The following TMEM63C variants were observed in gnomAD, a reference collection of about 807,000 sequenced individuals.
TMEM63C encodes the protein transmembrane protein 63C, also known as osmosensitive cation channel TMEM63C.
A neutral mutation model predicts 99.2 loss-of-function variants in TMEM63C; 32 were observed. That is an observed-to-expected ratio of 0.32 (90% CI 0.24 to 0.43). The LOEUF is 0.43. Ranked by LOEUF, TMEM63C falls within the 20% of genes least tolerant of loss-of-function variation. TMEM63C has a pLI of 1.00. For synonymous variants in TMEM63C, 376 were observed against 397.9 expected (o/e 0.94, Z 0.66); for missense variants, 826 against 1,053.0 (o/e 0.78, Z 2.98).
Position 77,243,046 on chromosome 14 carries a change from A to G in TMEM63C, c.1331A>G (p.Glu444Gly). The part of the protein sequence containing the change: ...IDMYNVTRPI[E>G]KLQNPIVTQF... The stretch of plus-strand genomic sequence containing the variant: ...ATGTACAACGTCACCCGCCCCATCG[A>G]GAAGCTGCAGGTGCCTCCTCTGCTC... Residue 444 changes from glutamate (E) to glycine (G), a missense_variant, in exon 15 of 24, where the codon GAG (glutamate) becomes GGG (glycine). Glu to Gly is a moderately conservative substitution (Grantham distance 98). Coordinates refer to ENST00000298351, the MANE Select transcript of TMEM63C (RefSeq NM_020431.4). 1 of 1,613,664 alleles carries G rather than the reference A, an allele frequency of 6.2e-7. No individual in the cohort carries two copies. Among genetic ancestry groups the G allele is most frequent in the Non-Finnish European group, 8.5e-7 (1 of 1,179,836 alleles).
At chr14:77,201,501 C>G (rs1340729566) in intron 1 of TMEM63C, among the ~76,000 whole-genome samples, 2 of 152,164 alleles carry the variant, frequency 1.3e-5, no homozygotes, top group Admixed American at 6.5e-5. Flanking sequence ...GAAAGAGGAG[C>G]CTCCCTCTCC....
Position 77,256,620 on chromosome 14 carries a change from C to A in TMEM63C, c.2315C>A (p.Pro772Gln). The part of the protein sequence containing the change: ...RHTYGTMNNQ[P>Q]EEGEEESGLR... ...ACCTATGGCACCATGAACAACCAGC[C>A]GGAAGAGGGAGAAGAAGAGAGTGGT... is the stretch of plus-strand genomic sequence containing the variant. Residue 772 changes from proline to glutamine, a missense_variant, in exon 24 of 24, where the codon CCG becomes CAG. Coordinates refer to ENST00000298351, the MANE Select transcript of TMEM63C (RefSeq NM_020431.4). 3 of 1,613,970 alleles carry A rather than the reference C, an allele frequency of 1.9e-6. No individual in the cohort carries two copies. Among genetic ancestry groups the A allele is most frequent in the Non-Finnish European group, 2.5e-6 (3 of 1,179,860 alleles).
intron 6 of TMEM63C, among the ~76,000 whole-genome samples, chr14:77,226,242 C>T (rs1361368308): frequency 1.3e-5 from 2 of 152,318 alleles, no homozygotes; most frequent in East Asian, 3.9e-4. Context: ...AACCCCTCCA[C>T]CCCACCCCTA....
In TMEM63C at chr14:77,257,632, G is replaced by A. The variant is rs1348837050; in HGVS notation, c.*906G>A. 2 of 152,264 alleles carry A rather than the reference G, an allele frequency of 1.3e-5. No individual in the cohort carries two copies. Among genetic ancestry groups the A allele is most frequent in the Admixed American group, 1.3e-4 (2 of 15,286 alleles). The allele number at this position is 152,264 out of a possible 1,614,324, so 9.4% of individuals were successfully genotyped here. On this transcript the variant is annotated 3_prime_UTR_variant, in exon 24 of 24. Coordinates refer to ENST00000298351, the MANE Select transcript of TMEM63C (RefSeq NM_020431.4). ...AGGGCCTAAAGAGAAGACCCCCGAA[G>A]CCAAAGATGTGGCCACTTAAAAGCG...
intron 1 of TMEM63C, among the ~76,000 whole-genome samples, chr14:77,189,956 G>A (rs1888075267): frequency 6.6e-6 from 1 of 152,130 alleles, no homozygotes; most frequent in Non-Finnish European, 1.5e-5. Flanking sequence ...TCTGAGTTGT[G>A]TACATAGTAA....
chr14:77,221,629 A>C (rs1352521102), intron 5 of TMEM63C, among the ~76,000 whole-genome samples: 14 of 22,186 alleles, frequency 6.3e-4, no homozygotes, highest in Admixed American at 1.9e-3. Context: ...TCCCACTCTC[A>C]CCTCCCCTCC....
intron 1 of TMEM63C, among the ~76,000 whole-genome samples, chr14:77,201,648 GC>G (rs1460041635): frequency 1.3e-5 from 2 of 152,212 alleles, no homozygotes; most frequent in Non-Finnish European, 2.9e-5. Flanking sequence ...CTGGGGCAGG[GC>G]CCAGCGATCT....
Position 77,256,652 on chromosome 14 carries a change from G to A in TMEM63C, c.2347G>A (p.Gly783Ser), listed in dbSNP as rs1566633693. 1 of 1,614,010 alleles carries A rather than the reference G, an allele frequency of 6.2e-7. No individual in the cohort carries two copies. ...GGGAGAAGAAGAGAGTGGTCTGAGG[G>A]GCTTTGCGAGGGAGCTAGACTCGGC... Reference protein sequence around the residue: ...EEGEEESGLRGFARELDSAQF... With the variant: ...EEGEEESGLRSFARELDSAQF... The change falls in exon 24 of 24, where the codon GGC becomes AGC. Residue 783 changes from glycine (G) to serine (S), a missense_variant. By Grantham distance (56) the Gly-to-Ser change is moderately conservative. Transcript: ENST00000298351.
intron 10 of TMEM63C, among the ~76,000 whole-genome samples, chr14:77,239,079 G>A (rs927356493): frequency 1.3e-5 from 2 of 152,204 alleles, no homozygotes; most frequent in African/African-American, 4.8e-5. Context: ...AGATCATCTG[G>A]AGACATCCTT....
chr14:77,229,938 G>A (rs1050253625), intron 6 of TMEM63C, among the ~76,000 whole-genome samples: 6 of 151,908 alleles, frequency 3.9e-5, no homozygotes, highest in Non-Finnish European at 5.9e-5. Context: ...GGTGGCTCAC[G>A]CCTGTAATCC....
At chr14:77,235,157 C>T (rs1009022725) in intron 8 of TMEM63C, among the ~76,000 whole-genome samples, 7 of 151,894 alleles carry the variant, frequency 4.6e-5, no homozygotes, top group African/African-American at 1.7e-4. Context: ...AATAAACGTT[C>T]CCCCCATGAG....
chr14:77,210,560 C>G (rs887791211), intron 1 of TMEM63C, among the ~76,000 whole-genome samples: 15 of 152,074 alleles, frequency 9.9e-5, no homozygotes, highest in African/African-American at 3.6e-4. Flanking sequence ...AGTGACACAC[C>G]CTTCCTCTCC....
At chr14:77,240,208 C>T (rs1889143140) in intron 12 of TMEM63C, among the ~76,000 whole-genome samples, 1 of 152,236 alleles carries the variant, frequency 6.6e-6, no homozygotes, top group Non-Finnish European at 1.5e-5. Context: ...ATTCTCTCAC[C>T]TCTCTGGGGT....
rs1888258768 is a variant in TMEM63C at position 77,199,282 on chromosome 14, TC to T, written c.-76-14163del. Among the ~76,000 whole-genome samples the T allele has an allele frequency of 2.0e-5, 3 of 152,266 alleles. No homozygotes were observed. The South Asian group carries it at 6.2e-4, about 32-fold the overall frequency. On this transcript the variant is annotated intron_variant, in intron 1 of 23. Transcript: ENST00000298351. The stretch of plus-strand genomic sequence containing the variant: ...ATGAGATTCTAGGATAGGAGCAAAA[TC>T]TAGAAGCTCTTCTAGTCCCAGCCCA...
intron 1 of TMEM63C, among the ~76,000 whole-genome samples, chr14:77,196,580 T>C (rs536757353): frequency 9.9e-5 from 15 of 152,272 alleles, no homozygotes; most frequent in Middle Eastern, 3.4e-3. Context: ...CCCAGCTGAC[T>C]CTGGTTTGGG....
At chr14:77,209,127 A>G (rs1170127934) in intron 1 of TMEM63C, among the ~76,000 whole-genome samples, 1 of 152,176 alleles carries the variant, frequency 6.6e-6, no homozygotes, top group Admixed American at 6.5e-5. Context: ...TCCATGCACT[A>G]TGCCCTTTAA....
chr14:77,234,298 G>A (rs1034357525), intron 8 of TMEM63C, among the ~76,000 whole-genome samples: 3 of 151,860 alleles, frequency 2.0e-5, no homozygotes, highest in Non-Finnish European at 2.9e-5. Context: ...ACACCTTGGA[G>A]CAGACTGGCT....
chr14:77,193,873 A>C (rs1487349960), intron 1 of TMEM63C, among the ~76,000 whole-genome samples: 1 of 151,412 alleles, frequency 6.6e-6, no homozygotes, highest in Non-Finnish European at 1.5e-5. Context: ...GGTAGTGGGC[A>C]CCCGTGGTTC....
Position 77,194,718 on chromosome 14 carries a change from C to T in TMEM63C, c.-77+12824C>T, listed in dbSNP as rs531627418. The stretch of plus-strand genomic sequence containing the variant: ...CTTCCCGAGTAGCTGGGACTACAGG[C>T]GGACACCACCACATCCAGCTAATTT... On this transcript the variant is annotated intron_variant, in intron 1 of 23. Coordinates refer to ENST00000298351, the MANE Select transcript of TMEM63C (RefSeq NM_020431.4). Among the ~76,000 whole-genome samples the T allele has an allele frequency of 1.4e-4, 20 of 145,174 alleles. No homozygotes were observed. The South Asian group carries it at 4.1e-3, about 30-fold the overall frequency.
Sources: allele counts gnomAD v4.1 joint callset (sites outside exome capture counted in the v4.1 genomes callset), GRCh38; gene constraint gnomAD v4.1.1; transcripts MANE v1.5; gene names NCBI Gene and HGNC (gene_info 2026-07-23, HGNC 2026-07-21).